CYB5R3: variants seen among roughly 807,000 people sequenced by gnomAD.
CYB5R3 encodes cytochrome b5 reductase 3, also known as NADH-cytochrome b5 reductase 3.
Under a neutral mutation model 36.5 loss-of-function variants are expected in CYB5R3, and 28 were observed. The ratio of observed to expected loss-of-function variants is 0.77; its 90% confidence interval spans 0.57 to 1.05. The LOEUF (loss-of-function observed/expected upper bound fraction) is 1.05, where lower values mean the gene tolerates loss of function less well. Among genes scored for constraint, CYB5R3 ranks in the 50% least tolerant of loss-of-function variants. CYB5R3 has a pLI of 0.00. For missense variants in CYB5R3, 474 were observed against 408.9 expected, an observed-to-expected ratio of 1.16 and a Z score of -1.37; for synonymous variants, 181 against 159.8, an observed-to-expected ratio of 1.13 and a Z score of -1.00.
At chr22:42,628,076 A>G (rs1601934541) in intron 5 of CYB5R3, 76 bp downstream of exon 5, 1 of 1,592,204 alleles carries the variant, frequency 6.3e-7, no homozygotes, top group Non-Finnish European at 8.6e-7. Context: ...AGGGGCCTGC[A>G]CCCTGCACCC....
chr22:42,621,220 T>TGTGTG (rs1406377368), intron 8 of CYB5R3, among the ~76,000 whole-genome samples: 34 of 109,614 alleles, frequency 3.1e-4, no homozygotes, highest in African/African-American at 1.2e-3. Context: ...GTGTGTGTGT[T>TGTGTG]TTTAAGAGAC....
chr22:42,636,925 C>T, intron 1 of CYB5R3, 79 bp from the exon 2 acceptor site: 1 of 1,560,758 alleles, frequency 6.4e-7, no homozygotes, highest in Admixed American at 1.8e-5. Flanking sequence ...ACTACCAGGC[C>T]TCTGCTCACG....
chr22:42,626,235 G>A (rs1182353796), intron 7 of CYB5R3, among the ~76,000 whole-genome samples: 2 of 152,158 alleles, frequency 1.3e-5, no homozygotes, highest in African/African-American at 4.8e-5. Context: ...ACTTGAACCC[G>A]GGAGGCGGAG....
intron 7 of CYB5R3, among the ~76,000 whole-genome samples, chr22:42,626,474 A>G (rs1928273382): frequency 6.6e-6 from 1 of 152,148 alleles, no homozygotes; most frequent in East Asian, 1.9e-4. Flanking sequence ...CAGGTGACAG[A>G]CGGTCTGACG....
intron 4 of CYB5R3, among the ~76,000 whole-genome samples, chr22:42,629,156 G>A (rs749465850): frequency 5.9e-5 from 9 of 152,102 alleles, no homozygotes; most frequent in African/African-American, 9.7e-5. Flanking sequence ...AGACTTCAAC[G>A]TGAACAGATG....
rs8190462 is a variant in CYB5R3, at chr22:42,623,727, G to T, written c.733+62C>A. On this transcript the variant is annotated intron_variant, in intron 8 of 8. Coordinates refer to ENST00000352397, the MANE Select transcript of CYB5R3 (RefSeq NM_000398.7). ...AAAGGCTCAACGCCACAAACAGCTG[G>T]GCAAAGGTGAACTGTGGGCTGGCAC... 107 of 1,409,018 alleles carry T rather than the reference G, an allele frequency of 7.6e-5. 1 individual carries two copies. In the African/African-American group the frequency reaches 1.2e-3, roughly 16 times the overall value. The allele number at this position is 1,409,018 out of a possible 1,614,324, so 87.3% of individuals were successfully genotyped here.
At chr22:42,626,937 T>C (rs983567107) in intron 7 of CYB5R3, among the ~76,000 whole-genome samples, 2 of 152,124 alleles carry the variant, frequency 1.3e-5, no homozygotes, top group Admixed American at 6.5e-5. Context: ...TTCGTGCAAA[T>C]GTCTGGTCAT....
At chr22:42,648,393 A>G (rs914448050) in intron 1 of CYB5R3, among the ~76,000 whole-genome samples, 1 of 152,194 alleles carries the variant, frequency 6.6e-6, no homozygotes, top group Non-Finnish European at 1.5e-5. Context: ...CAGCCTCCAC[A>G]TGTCCACACA....
At chr22:42,647,477 G>T (rs1569329594) in intron 1 of CYB5R3, among the ~76,000 whole-genome samples, 1 of 152,228 alleles carries the variant, frequency 6.6e-6, no homozygotes. Flanking sequence ...GCCAGGCACA[G>T]TGGCTCACTC....
intron 4 of CYB5R3, 138 bp from the exon 5 acceptor site, chr22:42,628,419 AC>A: frequency 9.0e-7 from 1 of 1,114,866 alleles, no homozygotes. Context: ...AGCCCCATCC[AC>A]CCAGCCGTCA....
intron 2 of CYB5R3, chr22:42,631,682 A>C: frequency 1.7e-6 from 1 of 589,372 alleles, no homozygotes; most frequent in Non-Finnish European, 3.0e-6. Context: ...CTGCTGGCCT[A>C]GAGGGGCCAC....
chr22:42,626,345 C>T (rs1428406992), intron 7 of CYB5R3, among the ~76,000 whole-genome samples: 1 of 152,164 alleles, frequency 6.6e-6, no homozygotes, highest in East Asian at 1.9e-4. Context: ...TGGTTTGCAT[C>T]CTGGTTTCAG....
chr22:42,628,091 C>A (rs370674514), intron 5 of CYB5R3, 61 bp downstream of exon 5: 1 of 1,608,330 alleles, frequency 6.2e-7, no homozygotes, highest in Non-Finnish European at 8.5e-7. Context: ...GCACCCAGCA[C>A]GCCCAAGCTC....
At chr22:42,621,065 G>A (rs546904450) in intron 8 of CYB5R3, among the ~76,000 whole-genome samples, 1 of 152,338 alleles carries the variant, frequency 6.6e-6, no homozygotes, top group Non-Finnish European at 1.5e-5. Context: ...TTATAGCTGG[G>A]CAATGGATCT....
rs565252283 is a variant in CYB5R3, at chr22:42,631,359, C to T, written c.226+19G>A. ...CAGCCTGCCGGGCTCCGAATGGGCC[C>T]AGCAGGGGCGTGACTCACCGACAGG... On this transcript the variant is annotated intron_variant, in intron 3 of 8. Coordinates refer to ENST00000352397, the MANE Select transcript of CYB5R3 (RefSeq NM_000398.7). The T allele has an allele frequency of 8.4e-6, 13 of 1,551,124 alleles. No individual in the cohort carries two copies. In the East Asian group the frequency reaches 2.2e-4, roughly 26 times the overall value.
At chr22:42,640,236 T>A in intron 1 of CYB5R3, 1 of 1,586,984 alleles carries the variant, frequency 6.3e-7, no homozygotes, top group Non-Finnish European at 8.6e-7. Flanking sequence ...TCACCAGTGC[T>A]GGGGTCTTCT....
intron 8 of CYB5R3, among the ~76,000 whole-genome samples, chr22:42,621,214 GTGTGTT>G (rs1443651805): frequency 1.4e-5 from 2 of 144,894 alleles, no homozygotes; most frequent in East Asian, 2.3e-4. Flanking sequence ...GTGTGTGTGT[GTGTGTT>G]TTTAAGAGAC....
chr22:42,620,991 C>T (rs1179229138), intron 8 of CYB5R3, among the ~76,000 whole-genome samples: 1 of 152,178 alleles, frequency 6.6e-6, no homozygotes, highest in East Asian at 1.9e-4. Flanking sequence ...CTCTGACTCA[C>T]CAGATGAGTC....
chr22:42,630,367 G>A (rs1928543790), intron 4 of CYB5R3, among the ~76,000 whole-genome samples: 1 of 152,200 alleles, frequency 6.6e-6, no homozygotes, highest in African/African-American at 2.4e-5. Context: ...GGGCCTGCGT[G>A]TCACAGAGGC....
Sources: allele counts gnomAD v4.1 joint callset (sites outside exome capture counted in the v4.1 genomes callset), GRCh38; gene constraint gnomAD v4.1.1; transcripts MANE v1.5; gene names NCBI Gene and HGNC (gene_info 2026-07-23, HGNC 2026-07-21).